ADGRB3: variants seen among roughly 807,000 people sequenced by gnomAD.
ADGRB3 encodes brain-specific angiogenesis inhibitor 3.
A neutral mutation model predicts 193.4 loss-of-function variants in ADGRB3; 37 were observed. The observed-to-expected ratio is 0.19, with a 90% CI of 0.15 to 0.25. The LOEUF (loss-of-function observed/expected upper bound fraction) is 0.25, where lower values mean the gene tolerates loss of function less well. ADGRB3 is among the 10% of genes least tolerant of loss of function. The pLI, the probability that ADGRB3 is intolerant of heterozygous loss-of-function variation, is 1.00. For missense variants in ADGRB3, 1,637 were observed against 1,852.9 expected (o/e 0.88, Z 2.14); for synonymous variants, 690 against 644.2 (o/e 1.07, Z -1.08).
intron 17 of ADGRB3, among the ~76,000 whole-genome samples, chr6:69,089,811 A>G (rs1772654036): frequency 6.6e-6 from 1 of 152,134 alleles, no homozygotes; most frequent in African/African-American, 2.4e-5. Flanking sequence ...CCTGGCTTCC[A>G]CCCACTGGAT....
chr6:68,707,847 A>G (rs1582137654), intron 3 of ADGRB3, among the ~76,000 whole-genome samples: 1 of 152,198 alleles, frequency 6.6e-6, no homozygotes, highest in African/African-American at 2.4e-5. Flanking sequence ...GCATAGGTAC[A>G]GCACTAACAC....
At chr6:68,845,014 A>G (rs574460128) in intron 3 of ADGRB3, among the ~76,000 whole-genome samples, 1 of 152,180 alleles carries the variant, frequency 6.6e-6, no homozygotes, top group African/African-American at 2.4e-5. Context: ...TGGCTAATGC[A>G]TACAAAAAAA....
intron 20 of ADGRB3, among the ~76,000 whole-genome samples, chr6:69,279,335 C>T (rs1282404664): frequency 3.3e-5 from 5 of 151,708 alleles, no homozygotes; most frequent in Non-Finnish European, 7.4e-5. Context: ...GATCATGTGG[C>T]TGACTGGAAG....
Position 69,173,337 on chromosome 6 carries a change from C to G in ADGRB3, c.2481-59953C>G, listed in dbSNP as rs544301324. Among the ~76,000 whole-genome samples the G allele has an allele frequency of 7.2e-5, 11 of 152,336 alleles. No individual in the cohort carries two copies. The South Asian group carries it at 1.4e-3, about 20-fold the overall frequency. The stretch of plus-strand genomic sequence containing the variant: ...ACAGGCGTGAGCCACGGTGCCCAGC[C>G]AGGCCAGGCAAGTTATTTGAATTCT... On this transcript the variant is annotated intron_variant, in intron 17 of 31. Transcript: ENST00000370598.
At chr6:69,338,403 G>A (rs117927924) in intron 24 of ADGRB3, among the ~76,000 whole-genome samples, 2,984 of 152,194 alleles carry the variant, frequency 0.02, 71 homozygotes, top group Admixed American at 0.052. Flanking sequence ...ATATGAATCT[G>A]TTGAGAAAAA....
rs577371238 is a variant in ADGRB3, at chr6:69,037,162, T to A, written c.2108-11023T>A. Among the ~76,000 whole-genome samples, 5 of 152,208 alleles carry A rather than the reference T, an allele frequency of 3.3e-5. No individual in the cohort carries two copies. The South Asian group carries it at 6.2e-4, about 19-fold the overall frequency. On this transcript the variant is annotated intron_variant, in intron 13 of 31. Coordinates refer to ENST00000370598, the MANE Select transcript of ADGRB3 (RefSeq NM_001704.3). The stretch of plus-strand genomic sequence containing the variant: ...TCAATAGTAAAGAATGACCCCCAGA[T>A]GTGTGGTTTGAATGTCTGAGTACAT...
chr6:69,305,297 G>T (rs1413172687), intron 20 of ADGRB3, among the ~76,000 whole-genome samples: 2 of 151,402 alleles, frequency 1.3e-5, no homozygotes, highest in Non-Finnish European at 2.9e-5. Flanking sequence ...TAATCATATG[G>T]TGTTCAAATT....
intron 3 of ADGRB3, among the ~76,000 whole-genome samples, chr6:68,696,160 A>G (rs1765154104): frequency 6.6e-6 from 1 of 152,006 alleles, no homozygotes; most frequent in Non-Finnish European, 1.5e-5. Context: ...GCCAAGATTA[A>G]CACTTAATAT....
chr6:68,840,367 G>GTTTTT (rs1768128495), intron 3 of ADGRB3, among the ~76,000 whole-genome samples: 4 of 75,500 alleles, frequency 5.3e-5, no homozygotes, highest in African/African-American at 6.5e-5. Context: ...GCACTGGGCA[G>GTTTTT]TCTTTTTTTT....
chr6:69,330,669 T>C, intron 23 of ADGRB3, 97 bp downstream of exon 23: 1 of 998,442 alleles, frequency 1.0e-6, no homozygotes, highest in Non-Finnish European at 1.4e-6. Flanking sequence ...GTAGTTCTTG[T>C]GTAGAAATTT....
chr6:68,786,990 T>C (rs1486132896), intron 3 of ADGRB3, among the ~76,000 whole-genome samples: 1 of 152,216 alleles, frequency 6.6e-6, no homozygotes, highest in East Asian at 1.9e-4. Context: ...CTTGTGATTT[T>C]TGCACATTGA....
In ADGRB3 at chr6:68,735,218, A is replaced by G. The variant is rs1765848556; in HGVS notation, c.757+95786A>G. Among the ~76,000 whole-genome samples, 3 of 152,142 alleles carry G rather than the reference A, an allele frequency of 2.0e-5. No individual in the cohort carries two copies. In the South Asian group the frequency reaches 6.2e-4, roughly 32 times the overall value. On this transcript the variant is annotated intron_variant, in intron 3 of 31. Transcript: ENST00000370598. ...TGTCGAATGAATGAATAATTAAGTT[A>G]AATTCCAGAATGAAGGTTACTTAAA...
chr6:68,913,310 G>T (rs1042383848), intron 3 of ADGRB3, among the ~76,000 whole-genome samples: 8 of 152,176 alleles, frequency 5.3e-5, no homozygotes, highest in African/African-American at 1.9e-4. Context: ...AGGGCAGACT[G>T]ACACCTCACA....
At chr6:68,709,321 A>T (rs574778555) in intron 3 of ADGRB3, among the ~76,000 whole-genome samples, 1 of 152,160 alleles carries the variant, frequency 6.6e-6, no homozygotes, top group South Asian at 2.1e-4. Context: ...AATGCATTTT[A>T]CAAGAGGTAA....
intron 17 of ADGRB3, chr6:69,232,694 C>T: frequency 7.4e-7 from 1 of 1,357,690 alleles, no homozygotes; most frequent in South Asian, 1.3e-5. Flanking sequence ...CAGCTGATGC[C>T]GCTGCTGCTG....
intron 20 of ADGRB3, among the ~76,000 whole-genome samples, chr6:69,244,820 C>G (rs1766459211): frequency 6.6e-6 from 1 of 152,028 alleles, no homozygotes; most frequent in Non-Finnish European, 1.5e-5. Context: ...GCACTTAACC[C>G]AGAGGCTGGT....
intron 17 of ADGRB3, among the ~76,000 whole-genome samples, chr6:69,185,667 G>T (rs1287925946): frequency 1.3e-5 from 2 of 151,968 alleles, no homozygotes; most frequent in African/African-American, 2.4e-5. Flanking sequence ...CTCTATTTAG[G>T]TCTTGATTCA....
At chr6:68,993,005 C>A (rs1769280538) in intron 10 of ADGRB3, among the ~76,000 whole-genome samples, 1 of 152,010 alleles carries the variant, frequency 6.6e-6, no homozygotes, top group Non-Finnish European at 1.5e-5. Context: ...CCTGCTATTT[C>A]TTTACCTTCT....
At chr6:69,166,923 T>C (rs1418645945) in intron 17 of ADGRB3, among the ~76,000 whole-genome samples, 1 of 152,174 alleles carries the variant, frequency 6.6e-6, no homozygotes, top group African/African-American at 2.4e-5. Context: ...CTTTTTTTAA[T>C]CTGCTAAAGA....
Sources: allele counts gnomAD v4.1 joint callset (sites outside exome capture counted in the v4.1 genomes callset), GRCh38; gene constraint gnomAD v4.1.1; transcripts MANE v1.5; gene names NCBI Gene and HGNC (gene_info 2026-07-23, HGNC 2026-07-21).